ALK: variants seen among roughly 807,000 people sequenced by gnomAD.
The protein encoded by ALK is ALK tyrosine kinase receptor.
In ALK, 74 loss-of-function variants were observed where a neutral mutation model predicts 163.1. The ratio of observed to expected loss-of-function variants is 0.45; its 90% CI spans 0.38 to 0.55. The LOEUF is 0.55. ALK is among the 20% of genes least tolerant of loss of function. The pLI, the probability that ALK is intolerant of heterozygous loss-of-function variation, is 0.00. For synonymous variants in ALK, 960 were observed against 843.2 expected (o/e 1.14, Z -2.40); for missense variants, 2,063 against 2,105.3 (o/e 0.98, Z 0.39).
chr2:29,292,385 G>T (rs2339468), intron 9 of ALK, among the ~76,000 whole-genome samples: 16,300 of 152,092 alleles, frequency 0.11, 1,003 homozygotes, highest in African/African-American at 0.17. Flanking sequence ...AAGATATATA[G>T]AGAGAGGAAA....
At chr2:29,614,620 G>A (rs897442830) in intron 3 of ALK, among the ~76,000 whole-genome samples, 2 of 152,170 alleles carry the variant, frequency 1.3e-5, no homozygotes, top group African/African-American at 2.4e-5. Flanking sequence ...GGGCCTCCAC[G>A]AGCCCAATTT....
intron 11 of ALK, among the ~76,000 whole-genome samples, chr2:29,270,265 AAC>A (rs1209705183): frequency 2.6e-5 from 4 of 152,240 alleles, no homozygotes; most frequent in Non-Finnish European, 5.9e-5. Flanking sequence ...ATTTTTAAGA[AAC>A]ATGATCATTT....
intron 1 of ALK, among the ~76,000 whole-genome samples, chr2:29,888,597 G>T (rs1225434397): frequency 6.6e-6 from 1 of 152,044 alleles, no homozygotes; most frequent in Non-Finnish European, 1.5e-5. Context: ...TGAAATGCAC[G>T]CTCCAGCTTA....
chr2:29,216,286 CT>C (rs1340249691), intron 23 of ALK, among the ~76,000 whole-genome samples: 1 of 152,100 alleles, frequency 6.6e-6, no homozygotes, highest in Admixed American at 6.5e-5. Flanking sequence ...AGCGAAATAT[CT>C]TTTTGCTCTT....
intron 4 of ALK, among the ~76,000 whole-genome samples, chr2:29,467,561 C>T (rs1406757957): frequency 6.6e-6 from 1 of 152,164 alleles, no homozygotes; most frequent in Non-Finnish European, 1.5e-5. Flanking sequence ...AAGAAATGAG[C>T]CTGCTCTAAG....
intron 3 of ALK, among the ~76,000 whole-genome samples, chr2:29,670,506 G>T (rs1185091016): frequency 1.3e-5 from 2 of 151,850 alleles, no homozygotes; most frequent in East Asian, 3.9e-4. Flanking sequence ...GGTCTTATTT[G>T]GGTTGATTCT....
At chr2:29,823,886 T>C (rs1438523058) in intron 1 of ALK, among the ~76,000 whole-genome samples, 1 of 152,200 alleles carries the variant, frequency 6.6e-6, no homozygotes, top group African/African-American at 2.4e-5. Flanking sequence ...GAGTTGCATA[T>C]TAATCCCCAA....
chr2:29,658,229 G>T (rs1220844378), intron 3 of ALK, among the ~76,000 whole-genome samples: 2 of 152,128 alleles, frequency 1.3e-5, no homozygotes, highest in Non-Finnish European at 2.9e-5. Flanking sequence ...AGTGTAATAT[G>T]GTACAATGAG....
At chr2:29,862,104 A>ATTGG (rs1553372676) in intron 1 of ALK, among the ~76,000 whole-genome samples, 1 of 151,532 alleles carries the variant, frequency 6.6e-6, no homozygotes, top group Non-Finnish European at 1.5e-5. Flanking sequence ...TCCTCAGCAA[A>ATTGG]TTATAGAAGG....
intron 3 of ALK, among the ~76,000 whole-genome samples, chr2:29,592,818 A>C (rs1243806554): frequency 6.6e-6 from 1 of 152,288 alleles, no homozygotes; most frequent in East Asian, 1.9e-4. Flanking sequence ...AGACATACAT[A>C]TGAGGAAGGA....
intron 3 of ALK, among the ~76,000 whole-genome samples, chr2:29,544,027 T>G (rs1439824838): frequency 1.3e-5 from 2 of 152,224 alleles, no homozygotes; most frequent in African/African-American, 4.8e-5. Flanking sequence ...CCAGGCATCA[T>G]TGGCTAATTG....
intron 3 of ALK, among the ~76,000 whole-genome samples, chr2:29,619,976 G>T (rs1450507068): frequency 6.6e-6 from 1 of 152,230 alleles, no homozygotes; most frequent in Non-Finnish European, 1.5e-5. Context: ...GATGCCTAGG[G>T]AGAGTGAAGA....
At chr2:29,779,045 A>G (rs902134874) in intron 1 of ALK, among the ~76,000 whole-genome samples, 1 of 151,908 alleles carries the variant, frequency 6.6e-6, no homozygotes. Context: ...AGTCCCAGCT[A>G]CTTGGGAGGC....
intron 4 of ALK, among the ~76,000 whole-genome samples, chr2:29,453,350 C>T (rs1670870087): frequency 6.6e-6 from 1 of 152,088 alleles, no homozygotes; most frequent in Non-Finnish European, 1.5e-5. Context: ...TCCCACCTCA[C>T]CTTTTGAGTA....
At chr2:29,745,984 T>C (rs138050233) in intron 1 of ALK, among the ~76,000 whole-genome samples, 1 of 152,172 alleles carries the variant, frequency 6.6e-6, no homozygotes, top group Admixed American at 6.5e-5. Context: ...ATAATAGCAA[T>C]CTTAATGAGG....
chr2:29,573,261 C>A (rs1674429831), intron 3 of ALK, among the ~76,000 whole-genome samples: 1 of 152,188 alleles, frequency 6.6e-6, no homozygotes, highest in Admixed American at 6.5e-5. Context: ...GATGCAATTT[C>A]ATGATATAGT....
intron 3 of ALK, among the ~76,000 whole-genome samples, chr2:29,655,955 G>A (rs1308860828): frequency 6.6e-6 from 1 of 152,104 alleles, no homozygotes. Context: ...CTAAATGCCT[G>A]TGTCCATATT....
chr2:29,222,708 C>CGA, intron 20 of ALK, 101 bp from the exon 21 acceptor site: 1 of 987,152 alleles, frequency 1.0e-6, no homozygotes, highest in Non-Finnish European at 1.6e-6. Flanking sequence ...TGGACAAACA[C>CGA]GAGAGGCGGG....
At chr2:29,278,074 C>T (rs979081104) in intron 9 of ALK, among the ~76,000 whole-genome samples, 1 of 152,084 alleles carries the variant, frequency 6.6e-6, no homozygotes, top group East Asian at 1.9e-4. Context: ...GGAATTACAC[C>T]AGGGTGGGGA....
Sources: gnomAD v4.1 joint callset for allele counts (sites outside exome capture counted in the v4.1 genomes callset) on GRCh38, gnomAD v4.1.1 for gene constraint, MANE v1.5 for transcripts, NCBI Gene and HGNC (gene_info 2026-07-23, HGNC 2026-07-21) for gene names.